The following ALK variants were observed in gnomAD, a reference collection of about 807,000 sequenced individuals.
ALK encodes ALK receptor tyrosine kinase.
Under a neutral mutation model 163.1 loss-of-function variants are expected in ALK, and 74 were observed. The observed-to-expected ratio is 0.45, with a 90% CI of 0.38 to 0.55. The LOEUF is 0.55. Ranked by LOEUF, ALK falls within the 20% of genes least tolerant of loss-of-function variation. The pLI is 0.00. For synonymous variants in ALK, 960 were observed against 843.2 expected, an observed-to-expected ratio of 1.14 and a Z score of -2.40; for missense variants, 2,063 against 2,105.3, an observed-to-expected ratio of 0.98 and a Z score of 0.39.
intron 3 of ALK, among the ~76,000 whole-genome samples, chr2:29,687,190 C>T (rs189036283): frequency 6.6e-6 from 1 of 152,054 alleles, no homozygotes; most frequent in East Asian, 1.9e-4. Context: ...TGTACTCTTA[C>T]TTAGATGCTG....
chr2:29,611,634 T>C (rs1675694535), intron 3 of ALK, among the ~76,000 whole-genome samples: 1 of 152,168 alleles, frequency 6.6e-6, no homozygotes, highest in Non-Finnish European at 1.5e-5. Flanking sequence ...ATCCCCACAG[T>C]TAGGGGGAGG....
intron 5 of ALK, among the ~76,000 whole-genome samples, chr2:29,330,315 A>T (rs1372482029): frequency 1.3e-5 from 2 of 152,000 alleles, no homozygotes; most frequent in Non-Finnish European, 2.9e-5. Flanking sequence ...TGCACCCCAT[A>T]CTCTGCTGAT....
intron 3 of ALK, among the ~76,000 whole-genome samples, chr2:29,556,174 C>T (rs1264225700): frequency 6.6e-6 from 1 of 152,114 alleles, no homozygotes; most frequent in Non-Finnish European, 1.5e-5. Flanking sequence ...GGGTTATTTC[C>T]CCACTGTTCA....
chr2:29,656,593 C>G (rs933072559), intron 3 of ALK, among the ~76,000 whole-genome samples: 1 of 152,106 alleles, frequency 6.6e-6, no homozygotes, highest in Non-Finnish European at 1.5e-5. Context: ...ATATAACAAC[C>G]CTATGAAACT....
rs532462726 is a variant in ALK at position 29,527,400 on chromosome 2, C to T, written c.1154+4515G>A. Among the ~76,000 whole-genome samples the T allele has an allele frequency of 6.0e-4, 91 of 152,244 alleles. No individual in the cohort carries two copies. The South Asian group carries it at 0.018, about 31-fold the overall frequency. ...GTGGCTGCAGATTTTAATCTAAGGG[C>T]AGTGAGTTTGAGGGTTTCCTGATGC... On this transcript the variant is annotated intron_variant, in intron 4 of 28. Transcript: ENST00000389048.
chr2:29,471,585 C>T (rs62131818), intron 4 of ALK, among the ~76,000 whole-genome samples: 9 of 152,192 alleles, frequency 5.9e-5, no homozygotes, highest in Non-Finnish European at 1.2e-4. Flanking sequence ...TCATTCATTA[C>T]CTATTCGTGA....
intron 1 of ALK, among the ~76,000 whole-genome samples, chr2:29,826,425 A>G (rs1278472815): frequency 6.6e-6 from 1 of 151,620 alleles, no homozygotes; most frequent in Non-Finnish European, 1.5e-5. Context: ...CTGAGTTACT[A>G]CAGACAGCAT....
At chr2:29,274,786 G>A (rs1039971059) in intron 11 of ALK, among the ~76,000 whole-genome samples, 1 of 152,172 alleles carries the variant, frequency 6.6e-6, no homozygotes, top group Non-Finnish European at 1.5e-5. Flanking sequence ...GTTCAGTAAG[G>A]CGGCAGTGAA....
intron 3 of ALK, among the ~76,000 whole-genome samples, chr2:29,581,971 C>T (rs4499387): frequency 0.14 from 21,413 of 152,146 alleles, 1,750 homozygotes; most frequent in East Asian, 0.35. Context: ...GTGGCCATGG[C>T]ACAATCCTGC....
At chr2:29,673,304 GT>G (rs1677764330) in intron 3 of ALK, among the ~76,000 whole-genome samples, 1 of 111,196 alleles carries the variant, frequency 9.0e-6, no homozygotes, top group Non-Finnish European at 1.8e-5. Context: ...GGTTTTTATG[GT>G]TTTAGGTCTA....
intron 3 of ALK, among the ~76,000 whole-genome samples, chr2:29,533,794 G>A (rs1333599283): frequency 6.6e-6 from 1 of 152,198 alleles, no homozygotes; most frequent in Non-Finnish European, 1.5e-5. Context: ...GTGCACAGAT[G>A]TCTGCAAGAA....
chr2:29,703,617 G>T (rs1678812600), intron 2 of ALK, among the ~76,000 whole-genome samples: 2 of 152,176 alleles, frequency 1.3e-5, no homozygotes, highest in South Asian at 4.1e-4. Context: ...CATGCCTTTT[G>T]TGAACACAGC....
intron 1 of ALK, among the ~76,000 whole-genome samples, chr2:29,892,746 C>T (rs1249481254): frequency 6.6e-6 from 1 of 152,190 alleles, no homozygotes; most frequent in Non-Finnish European, 1.5e-5. Flanking sequence ...ACTCTACGCA[C>T]ATTAATGCAA....
At chr2:29,852,444 C>T (rs1393488423) in intron 1 of ALK, among the ~76,000 whole-genome samples, 3 of 152,184 alleles carry the variant, frequency 2.0e-5, no homozygotes, top group African/African-American at 7.2e-5. Flanking sequence ...ACAAGTAAGA[C>T]AGTTGCTGAC....
intron 5 of ALK, among the ~76,000 whole-genome samples, chr2:29,330,993 T>C (rs1348885256): frequency 6.6e-6 from 1 of 152,216 alleles, no homozygotes; most frequent in Non-Finnish European, 1.5e-5. Context: ...GTGGTAGTTT[T>C]TACAGCAGCA....
chr2:29,709,258 C>T (rs1018490057), intron 2 of ALK, among the ~76,000 whole-genome samples: 1 of 152,216 alleles, frequency 6.6e-6, no homozygotes. Context: ...AGCTCAGGAA[C>T]TGGTCTCCCC....
chr2:29,816,714 C>T (rs984037502), intron 1 of ALK, among the ~76,000 whole-genome samples: 1 of 152,208 alleles, frequency 6.6e-6, no homozygotes, highest in Non-Finnish European at 1.5e-5. Context: ...GGCTCTGCGA[C>T]CTTGAGCAAT....
chr2:29,598,662 A>C (rs1402821989), intron 3 of ALK, among the ~76,000 whole-genome samples: 1 of 152,210 alleles, frequency 6.6e-6, no homozygotes, highest in Admixed American at 6.5e-5. Context: ...TCAATTACAG[A>C]ATATATACTA....
At chr2:29,196,677 G>A (rs1335375703) in intron 28 of ALK, 93 bp downstream of exon 28, 1 of 923,560 alleles carries the variant, frequency 1.1e-6, no homozygotes, top group Non-Finnish European at 1.8e-6. Context: ...CTTGTACTCT[G>A]ACTGGCTTGA....
Sources: allele counts gnomAD v4.1 joint callset (sites outside exome capture counted in the v4.1 genomes callset), GRCh38; gene constraint gnomAD v4.1.1; transcripts MANE v1.5; gene names NCBI Gene and HGNC (gene_info 2026-07-23, HGNC 2026-07-21).